The following PRUNE2 variants were observed in gnomAD, a reference collection of about 807,000 sequenced individuals.
The protein encoded by PRUNE2 is protein prune homolog 2.
PRUNE2 carries 164 observed loss-of-function variants against 252.0 expected under a neutral mutation model. The observed-to-expected ratio is 0.65, with a 90% CI of 0.57 to 0.74. The LOEUF (loss-of-function observed/expected upper bound fraction) is 0.74. Among genes scored for constraint, PRUNE2 ranks in the 30% least tolerant of loss-of-function variants. The pLI is 0.00. For missense variants in PRUNE2, 3,495 were observed against 3,711.0 expected (o/e 0.94, Z 1.51); for synonymous variants, 1,292 against 1,350.2 (o/e 0.96, Z 0.94).
chr9:76,883,120 GCCATA>G (rs2061887132), intron 1 of PRUNE2, among the ~76,000 whole-genome samples: 1 of 152,034 alleles, frequency 6.6e-6, no homozygotes. Flanking sequence ...TTTTGCCCTG[GCCATA>G]GATCCCCTGT....
intron 1 of PRUNE2, among the ~76,000 whole-genome samples, chr9:76,901,271 G>T (rs145317783): frequency 6.6e-6 from 1 of 152,262 alleles, no homozygotes; most frequent in African/African-American, 2.4e-5. Flanking sequence ...TAAGCAAGGG[G>T]TATCACATTC....
chr9:76,620,331 G>T (rs892620685), intron 17 of PRUNE2, among the ~76,000 whole-genome samples: 2 of 151,818 alleles, frequency 1.3e-5, no homozygotes, highest in Non-Finnish European at 2.9e-5. Flanking sequence ...GTAGGGGTAG[G>T]GTTTTGCCAT....
intron 1 of PRUNE2, among the ~76,000 whole-genome samples, chr9:76,900,672 G>T (rs780470721): frequency 6.6e-6 from 1 of 152,110 alleles, no homozygotes; most frequent in Admixed American, 6.6e-5. Context: ...AATCCCCAAG[G>T]TTCAAGAAAA....
chr9:76,851,720 G>A (rs978551899), intron 2 of PRUNE2, among the ~76,000 whole-genome samples: 4 of 152,138 alleles, frequency 2.6e-5, no homozygotes, highest in South Asian at 2.1e-4. Flanking sequence ...CTATCAGATC[G>A]TGATCTCTAT....
intron 12 of PRUNE2, among the ~76,000 whole-genome samples, chr9:76,639,583 C>T (rs763782996): frequency 1.4e-4 from 21 of 152,168 alleles, no homozygotes; most frequent in Non-Finnish European, 2.5e-4. Flanking sequence ...AAAATTAACA[C>T]ATTGAGTTCT....
intron 6 of PRUNE2, among the ~76,000 whole-genome samples, chr9:76,750,358 A>G (rs1049184643): frequency 1.5e-4 from 23 of 152,108 alleles, no homozygotes; most frequent in Non-Finnish European, 7.4e-5. Context: ...TGAGGCTTGC[A>G]CTCATTCCAG....
intron 16 of PRUNE2, among the ~76,000 whole-genome samples, chr9:76,628,541 T>G (rs142037681): frequency 6.8e-6 from 1 of 146,862 alleles, no homozygotes; most frequent in African/African-American, 2.5e-5. Context: ...CCGTCTTGTG[T>G]CTGTGCAGAG....
At position 76,611,640 on chromosome 9, in the gene PRUNE2, T is replaced by C. The variant is rs1827480206; in HGVS notation, c.*2930A>G. 1 of 152,624 alleles carries C rather than the reference T, an allele frequency of 6.6e-6. No individual in the cohort carries two copies. 9.5% of individuals were successfully genotyped at this position (152,624 alleles called of 1,614,324 possible). ...GACGAGAGTTGCAAACATAGTACCA[T>C]AACTGAATATTTAAAATTACATCTT... On this transcript the variant is annotated 3_prime_UTR_variant, in exon 19 of 19. Transcript: ENST00000376718.
At chr9:76,673,616 G>C (rs1415221354) in intron 9 of PRUNE2, among the ~76,000 whole-genome samples, 2 of 149,830 alleles carry the variant, frequency 1.3e-5, no homozygotes, top group Non-Finnish European at 3.0e-5. Context: ...GAGAATTTTA[G>C]ACCAATATCT....
intron 1 of PRUNE2, among the ~76,000 whole-genome samples, chr9:76,858,968 GA>G (rs2060411084): frequency 6.6e-6 from 1 of 152,024 alleles, no homozygotes; most frequent in Non-Finnish European, 1.5e-5. Context: ...AGGTTGGAGG[GA>G]CCCAGTCTGC....
chr9:76,841,459 T>C (rs2059392164), intron 4 of PRUNE2, among the ~76,000 whole-genome samples: 1 of 152,128 alleles, frequency 6.6e-6, no homozygotes, highest in Non-Finnish European at 1.5e-5. Flanking sequence ...GGAACGCCAG[T>C]GAGACAGAAC....
Position 76,706,563 on chromosome 9 carries a change from T to C in PRUNE2, c.5711A>G (p.His1904Arg). 2 of 1,614,004 alleles carry C rather than the reference T, an allele frequency of 1.2e-6. No individual in the cohort carries two copies. Among genetic ancestry groups the C allele is most frequent in the Non-Finnish European group, 1.7e-6 (2 of 1,179,888 alleles). ...TGGTTGAATGTTCCAGAGTTGCTCA[T>C]GGGAGTTCTTCCCATTACCTTCCAG... Reference protein sequence around the residue: ...PFLEGNGKNSHEQLWNIQPRQ... With the variant: ...PFLEGNGKNSREQLWNIQPRQ... Residue 1904 changes from histidine to arginine, a missense_variant, in exon 8 of 19, where the codon CAT becomes CGT. Coordinates refer to ENST00000376718, the MANE Select transcript of PRUNE2 (RefSeq NM_015225.3).
intron 1 of PRUNE2, among the ~76,000 whole-genome samples, chr9:76,876,872 T>C (rs975737979): frequency 6.6e-6 from 1 of 152,180 alleles, no homozygotes; most frequent in Non-Finnish European, 1.5e-5. Context: ...ACATGAGATA[T>C]TTTTAAGCAT....
chr9:76,671,562 G>C (rs528463537), intron 9 of PRUNE2, among the ~76,000 whole-genome samples: 49 of 152,248 alleles, frequency 3.2e-4, no homozygotes, highest in Middle Eastern at 3.4e-3. Flanking sequence ...ACGCCACAAA[G>C]ATACTCCTCA....
chr9:76,865,974 TCAAGA>T (rs2060819686), intron 1 of PRUNE2, among the ~76,000 whole-genome samples: 1 of 152,224 alleles, frequency 6.6e-6, no homozygotes, highest in African/African-American at 2.4e-5. Context: ...CTCTTTTCTC[TCAAGA>T]CAAGATTCTT....
At chr9:76,639,217 C>G (rs181132433) in intron 12 of PRUNE2, among the ~76,000 whole-genome samples, 6 of 152,148 alleles carry the variant, frequency 3.9e-5, no homozygotes, top group African/African-American at 1.2e-4. Context: ...CCAGGCCGGG[C>G]GCCATGACTC....
chr9:76,625,991 A>AAGTT (rs1161218907), intron 16 of PRUNE2, among the ~76,000 whole-genome samples: 2 of 152,204 alleles, frequency 1.3e-5, no homozygotes, highest in African/African-American at 4.8e-5. Flanking sequence ...GTTTATGCAC[A>AAGTT]AGTTACAATA....
chr9:76,721,616 C>A (rs1428880733), intron 6 of PRUNE2, among the ~76,000 whole-genome samples: 1 of 152,108 alleles, frequency 6.6e-6, no homozygotes, highest in Non-Finnish European at 1.5e-5. Context: ...AAGATTAAAA[C>A]ACCAGTGTGT....
At chr9:76,652,716 T>C (rs372749099) in intron 10 of PRUNE2, 33 bp from the exon 11 acceptor site, 9 of 1,464,246 alleles carry the variant, frequency 6.1e-6, no homozygotes, top group Non-Finnish European at 8.6e-6. Context: ...ACATCAAGTA[T>C]TAAACCAGAG....
Sources: gnomAD v4.1 joint callset for allele counts (sites outside exome capture counted in the v4.1 genomes callset) on GRCh38, gnomAD v4.1.1 for gene constraint, MANE v1.5 for transcripts, NCBI Gene and HGNC (gene_info 2026-07-23, HGNC 2026-07-21) for gene names.